Variants in SH3RF3 observed in about 807,000 individuals in gnomAD.
SH3RF3 encodes the protein E3 ubiquitin-protein ligase SH3RF3.
SH3RF3 carries 29 observed loss-of-function variants against 66.3 expected under a neutral mutation model. The ratio of observed to expected loss-of-function variants is 0.44; its 90% CI spans 0.33 to 0.60. The LOEUF is 0.60. Ranked by LOEUF, SH3RF3 falls within the 20% of genes least tolerant of loss-of-function variation. SH3RF3 has a pLI of 0.04. For synonymous variants in SH3RF3, 583 were observed against 532.0 expected (o/e 1.10, Z -1.32); for missense variants, 1,194 against 1,190.9 (o/e 1.00, Z -0.04).
intron 1 of SH3RF3, among the ~76,000 whole-genome samples, chr2:109,178,892 TC>T (rs1456770787): frequency 6.6e-6 from 1 of 152,192 alleles, no homozygotes; most frequent in Non-Finnish European, 1.5e-5. Context: ...CATGGAAACC[TC>T]CTGAGAAAGT....
intron 1 of SH3RF3, among the ~76,000 whole-genome samples, chr2:109,300,626 G>C (rs1252910072): frequency 6.6e-6 from 1 of 152,122 alleles, no homozygotes; most frequent in African/African-American, 2.4e-5. Flanking sequence ...TCTTCCTGGT[G>C]GTAAGAAACC....
At chr2:109,488,602 G>C (rs1392030848) in intron 8 of SH3RF3, among the ~76,000 whole-genome samples, 2 of 152,146 alleles carry the variant, frequency 1.3e-5, no homozygotes, top group African/African-American at 4.8e-5. Flanking sequence ...ACCCCTCACG[G>C]TTTCTTCTTT....
intron 1 of SH3RF3, among the ~76,000 whole-genome samples, chr2:109,268,693 T>C (rs1680557685): frequency 6.6e-6 from 1 of 152,082 alleles, no homozygotes; most frequent in Non-Finnish European, 1.5e-5. Context: ...TATTTTTCAC[T>C]TTCAGGGCAG....
chr2:109,428,428 G>C (rs756683824), intron 5 of SH3RF3, among the ~76,000 whole-genome samples: 1 of 152,250 alleles, frequency 6.6e-6, no homozygotes, highest in Non-Finnish European at 1.5e-5. Flanking sequence ...CGTGAAAGCA[G>C]ACACATGCCA....
chr2:109,364,244 T>C (rs1337243757), intron 2 of SH3RF3, among the ~76,000 whole-genome samples: 1 of 152,158 alleles, frequency 6.6e-6, no homozygotes, highest in Non-Finnish European at 1.5e-5. Context: ...CAGAGAGTCT[T>C]TCCTCAACTG....
chr2:109,163,257 G>A (rs1011413496), intron 1 of SH3RF3, among the ~76,000 whole-genome samples: 3 of 152,120 alleles, frequency 2.0e-5, no homozygotes, highest in African/African-American at 7.2e-5. Context: ...TTGACTGTAG[G>A]GCTCTGCCAT....
At chr2:109,182,035 G>A (rs1421235136) in intron 1 of SH3RF3, among the ~76,000 whole-genome samples, 1 of 152,168 alleles carries the variant, frequency 6.6e-6, no homozygotes, top group Non-Finnish European at 1.5e-5. Flanking sequence ...AATTATCTAT[G>A]TGATAAACAT....
intron 1 of SH3RF3, among the ~76,000 whole-genome samples, chr2:109,330,644 A>G (rs1682262228): frequency 6.6e-6 from 1 of 152,136 alleles, no homozygotes; most frequent in Admixed American, 6.5e-5. Context: ...GGAGAGACGG[A>G]AGGGAGGGAT....
chr2:109,201,402 G>A (rs955944069), intron 1 of SH3RF3, among the ~76,000 whole-genome samples: 9 of 152,142 alleles, frequency 5.9e-5, no homozygotes, highest in Admixed American at 5.2e-4. Context: ...GCTGTTTCCC[G>A]GATCTCTCTG....
At chr2:109,439,247 C>T (rs1041363067) in intron 7 of SH3RF3, among the ~76,000 whole-genome samples, 5 of 152,178 alleles carry the variant, frequency 3.3e-5, no homozygotes, top group Non-Finnish European at 1.5e-5. Context: ...TTTAATGTTA[C>T]ACACGGGGAG....
chr2:109,226,158 T>C (rs1041701675), intron 1 of SH3RF3, among the ~76,000 whole-genome samples: 3 of 152,246 alleles, frequency 2.0e-5, no homozygotes, highest in African/African-American at 7.2e-5. Flanking sequence ...ATAGCAGTTA[T>C]TATCTGTTTC....
chr2:109,475,472 T>C (rs1678659356), intron 8 of SH3RF3, among the ~76,000 whole-genome samples: 1 of 152,176 alleles, frequency 6.6e-6, no homozygotes. Flanking sequence ...GAGGAATGGG[T>C]CGAGAGGCAG....
chr2:109,317,425 A>T (rs1055532988), intron 1 of SH3RF3, among the ~76,000 whole-genome samples: 1 of 151,950 alleles, frequency 6.6e-6, no homozygotes, highest in Non-Finnish European at 1.5e-5. Flanking sequence ...CAGAAGGGAC[A>T]CTGTCTACTC....
At chr2:109,414,451 C>G (rs1264356014) in intron 4 of SH3RF3, among the ~76,000 whole-genome samples, 1 of 152,092 alleles carries the variant, frequency 6.6e-6, no homozygotes, top group African/African-American at 2.4e-5. Context: ...GTAAACCTGG[C>G]CCCTGTTACC....
chr2:109,457,705 T>C (rs1352212602), intron 8 of SH3RF3, among the ~76,000 whole-genome samples: 1 of 152,226 alleles, frequency 6.6e-6, no homozygotes, highest in African/African-American at 2.4e-5. Context: ...GACTGCCTTC[T>C]TTTTCAACTG....
intron 3 of SH3RF3, among the ~76,000 whole-genome samples, chr2:109,392,781 C>T (rs1202139409): frequency 6.6e-6 from 1 of 152,126 alleles, no homozygotes; most frequent in Non-Finnish European, 1.5e-5. Context: ...TCCCAAAGTG[C>T]TGAGATTACA....
chr2:109,296,660 C>G (rs1371439165), intron 1 of SH3RF3, among the ~76,000 whole-genome samples: 1 of 152,138 alleles, frequency 6.6e-6, no homozygotes, highest in Non-Finnish European at 1.5e-5. Context: ...TGTTCTTGCT[C>G]CCTTTGCTCC....
chr2:109,442,527 C>T (rs1677598417), intron 7 of SH3RF3, among the ~76,000 whole-genome samples: 1 of 152,064 alleles, frequency 6.6e-6, no homozygotes, highest in East Asian at 1.9e-4. Flanking sequence ...TGAAAGCAAT[C>T]TAGTTTGGGA....
intron 4 of SH3RF3, among the ~76,000 whole-genome samples, chr2:109,415,515 AC>A (rs1676699486): frequency 1.3e-5 from 2 of 151,632 alleles, no homozygotes; most frequent in Non-Finnish European, 2.9e-5. Flanking sequence ...GCGTGTCCAG[AC>A]CCCCTCCTGA....
Sources: gnomAD v4.1 joint callset for allele counts (sites outside exome capture counted in the v4.1 genomes callset) on GRCh38, gnomAD v4.1.1 for gene constraint, MANE v1.5 for transcripts, NCBI Gene and HGNC (gene_info 2026-07-23, HGNC 2026-07-21) for gene names.